PRIM2: variants seen among roughly 807,000 people sequenced by gnomAD.
PRIM2 encodes DNA primase large subunit.
PRIM2 carries 39 observed loss-of-function variants against 67.3 expected under a neutral mutation model. The observed-to-expected ratio is 0.58, with a 90% CI of 0.45 to 0.76. The LOEUF (loss-of-function observed/expected upper bound fraction) is 0.76. Ranked by LOEUF, PRIM2 falls within the 30% of genes least tolerant of loss-of-function variation. The pLI is 0.00. For synonymous variants in PRIM2, 143 were observed against 198.7 expected, an observed-to-expected ratio of 0.72 and a Z score of 2.36; for missense variants, 398 against 598.7, an observed-to-expected ratio of 0.66 and a Z score of 3.50.
At chr6:57,575,692 TTTAA>T (rs1490459460) in intron 10 of PRIM2, among the ~76,000 whole-genome samples, 25 of 152,184 alleles carry the variant, frequency 1.6e-4, no homozygotes, top group South Asian at 2.1e-4. Context: ...TAATATTCAG[TTTAA>T]TTAATCTTTT....
In PRIM2 at chr6:57,646,144, A is replaced by C; in HGVS notation, c.1516A>C (p.Ser506Arg). The C allele has an allele frequency of 6.4e-7, 1 of 1,574,788 alleles. No homozygotes were observed. The highest frequency in any genetic ancestry group is 2.2e-5 in the East Asian group (1 of 44,678). The change falls in exon 14 of 14, where the codon AGT (serine) becomes CGT (arginine). Residue 506 changes from serine (S) to arginine (R), a missense_variant. Physicochemically the swap from Ser to Arg is moderately radical, Grantham distance 110 (BLOSUM62 -1). Coordinates refer to ENST00000615550, the MANE Select transcript of PRIM2 (RefSeq NM_000947.5). ...TATGGAAGGACTAGAAGATTACTTT[A>C]GTGAAGATTCTTAGGCAGTTTTATA... is the stretch of plus-strand genomic sequence containing the variant. ...MDMEGLEDYF[S>R]EDS is the part of the protein sequence containing the mutation.
chr6:57,256,109 A>G, the PRIM2 span, among the ~76,000 whole-genome samples: 5 of 152,212 alleles, frequency 3.3e-5, no homozygotes, highest in Non-Finnish European at 7.3e-5. Context: ...TTTATCCATC[A>G]GCATACTGAT....
intron 10 of PRIM2, among the ~76,000 whole-genome samples, chr6:57,547,409 C>T (rs1310566312): frequency 2.6e-5 from 4 of 152,120 alleles, no homozygotes; most frequent in African/African-American, 4.8e-5. Context: ...AGTAGTCCTC[C>T]GTGTCTATTG....
chr6:57,576,742 A>T (rs1435852770), intron 10 of PRIM2, among the ~76,000 whole-genome samples: 1 of 151,228 alleles, frequency 6.6e-6, no homozygotes. Context: ...TGTATTAAAT[A>T]ATATTTATGT....
At chr6:57,335,253 A>C (rs1050302324) in intron 5 of PRIM2, among the ~76,000 whole-genome samples, 1 of 152,262 alleles carries the variant, frequency 6.6e-6, no homozygotes, top group African/African-American at 2.4e-5. Flanking sequence ...GCAGTCTGAG[A>C]TCAAACTGCA....
At chr6:57,578,375 G>T (rs1776000958) in intron 10 of PRIM2, among the ~76,000 whole-genome samples, 2 of 151,946 alleles carry the variant, frequency 1.3e-5, no homozygotes, top group Non-Finnish European at 2.9e-5. Context: ...TCCCTCCATG[G>T]ATCTTGCCTG....
At chr6:57,223,868 G>A in the PRIM2 span, among the ~76,000 whole-genome samples, 1 of 152,170 alleles carries the variant, frequency 6.6e-6, no homozygotes, top group Non-Finnish European at 1.5e-5. Flanking sequence ...TTTGTGTGCT[G>A]CTGGTGGGAA....
chr6:57,642,787 T>A, intron 13 of PRIM2, among the ~76,000 whole-genome samples: 1 of 152,196 alleles, frequency 6.6e-6, no homozygotes, highest in Non-Finnish European at 1.5e-5. Flanking sequence ...TGCCATTTAT[T>A]AGTTAGGGCA....
At chr6:57,549,361 G>C (rs1641314568) in intron 10 of PRIM2, among the ~76,000 whole-genome samples, 1 of 152,152 alleles carries the variant, frequency 6.6e-6, no homozygotes, top group Admixed American at 6.5e-5. Context: ...GATCAAACCT[G>C]GGTTAGACCC....
chr6:57,627,287 A>G, intron 12 of PRIM2, among the ~76,000 whole-genome samples: 1 of 116,896 alleles, frequency 8.6e-6, no homozygotes, highest in South Asian at 2.4e-4. Context: ...CTCAAAAAAA[A>G]AAAAAAAAAA....
At chr6:57,256,725 CACACACACACACACACACAT>C in the PRIM2 span, among the ~76,000 whole-genome samples, 2 of 138,718 alleles carry the variant, frequency 1.4e-5, no homozygotes, top group Non-Finnish European at 3.0e-5. Flanking sequence ...CACACACACA[CACACACACACACACACACAT>C]ACACTCTTAC....
Position 57,601,807 on chromosome 6 carries a change from T to A in PRIM2, c.1147+588T>A, listed in dbSNP as rs1371651047. On this transcript the variant is annotated intron_variant, in intron 11 of 13. Transcript: ENST00000615550. ...GAATTAATAGTTTATATCAGTAAAT[T>A]TTCTGGATTATCAAAGCTTACTACA... 9.0e-3 allele frequency among the ~76,000 whole-genome samples: 1,376 copies of A among 152,292 alleles called. 19 individuals are homozygous for A. The highest frequency in any genetic ancestry group is 0.031 in the African/African-American group (1,297 of 41,562).
At chr6:57,318,034 A>T (rs1033992486) in intron 1 of PRIM2, among the ~76,000 whole-genome samples, 6 of 152,192 alleles carry the variant, frequency 3.9e-5, no homozygotes, top group Middle Eastern at 3.2e-3. Context: ...TAAGACCCTC[A>T]TTTAGCCAGA....
the PRIM2 span, among the ~76,000 whole-genome samples, chr6:57,278,174 A>G: frequency 6.6e-6 from 1 of 151,682 alleles, no homozygotes. Flanking sequence ...CAAAAATACA[A>G]AAATTAGCCG....
chr6:57,517,277 CACTA>C (rs1774506264), intron 8 of PRIM2, among the ~76,000 whole-genome samples: 1 of 152,068 alleles, frequency 6.6e-6, no homozygotes, highest in African/African-American at 2.4e-5. Flanking sequence ...AGTCATAAAA[CACTA>C]ACAGTGCAAA....
the PRIM2 span, among the ~76,000 whole-genome samples, chr6:57,261,571 T>C: frequency 6.6e-6 from 1 of 152,128 alleles, no homozygotes; most frequent in Non-Finnish European, 1.5e-5. Flanking sequence ...GACTAGCACA[T>C]GGCCTCAACT....
chr6:57,489,526 C>T (rs1773836977), intron 7 of PRIM2, among the ~76,000 whole-genome samples: 1 of 152,116 alleles, frequency 6.6e-6, no homozygotes, highest in Non-Finnish European at 1.5e-5. Flanking sequence ...CACTGCACTC[C>T]AGCCTGGGCG....
At chr6:57,271,427 T>C in the PRIM2 span, among the ~76,000 whole-genome samples, 4 of 152,240 alleles carry the variant, frequency 2.6e-5, no homozygotes, top group African/African-American at 7.2e-5. Flanking sequence ...GAGGTGTTTA[T>C]AGTATTCTCT....
chr6:57,358,748 A>C (rs1297862330), intron 5 of PRIM2, among the ~76,000 whole-genome samples: 1 of 152,232 alleles, frequency 6.6e-6, no homozygotes, highest in Non-Finnish European at 1.5e-5. Context: ...TTTCACTATA[A>C]GTATTATATA....
Sources: allele counts gnomAD v4.1 joint callset (sites outside exome capture counted in the v4.1 genomes callset), GRCh38; gene constraint gnomAD v4.1.1; transcripts MANE v1.5; gene names NCBI Gene and HGNC (gene_info 2026-07-23, HGNC 2026-07-21).